The following OSBPL6 variants were observed in gnomAD, a reference collection of about 807,000 sequenced individuals.
The protein encoded by OSBPL6 is oxysterol binding protein like 6.
In OSBPL6, 49 loss-of-function variants were observed where a neutral mutation model predicts 125.8. That is an observed-to-expected ratio of 0.39 (90% confidence interval 0.31 to 0.49). The LOEUF is 0.49. Among genes scored for constraint, OSBPL6 ranks in the 20% least tolerant of loss-of-function variants. The pLI, the probability that OSBPL6 is intolerant of heterozygous loss-of-function variation, is 0.88. For missense variants in OSBPL6, 986 were observed against 1,135.4 expected (o/e 0.87, Z 1.89); for synonymous variants, 394 against 391.8 (o/e 1.01, Z -0.07).
At chr2:178,380,546 T>C (rs1186383905) in intron 15 of OSBPL6, among the ~76,000 whole-genome samples, 2 of 148,250 alleles carry the variant, frequency 1.3e-5, no homozygotes, top group African/African-American at 5.0e-5. Context: ...AGTGTTTAAG[T>C]GGATGTGGAA....
chr2:178,351,768 TACAAGTGG>T (rs1298150821), intron 12 of OSBPL6, among the ~76,000 whole-genome samples: 1 of 152,146 alleles, frequency 6.6e-6, no homozygotes, highest in African/African-American at 2.4e-5. Context: ...GTGTTCTCAC[TACAAGTGG>T]GGGCTAAATG....
intron 1 of OSBPL6, among the ~76,000 whole-genome samples, chr2:178,260,874 G>A (rs2092036002): frequency 6.6e-6 from 1 of 152,164 alleles, no homozygotes; most frequent in Non-Finnish European, 1.5e-5. Context: ...GGCCAGATGC[G>A]GTGGCTCATG....
chr2:178,389,886 A>G (rs1695255914), intron 21 of OSBPL6, among the ~76,000 whole-genome samples: 1 of 152,078 alleles, frequency 6.6e-6, no homozygotes, highest in African/African-American at 2.4e-5. Context: ...AGACTCTAAT[A>G]TTTTCTTTTC....
At chr2:178,264,587 G>T (rs1234749343) in intron 1 of OSBPL6, among the ~76,000 whole-genome samples, 1 of 152,174 alleles carries the variant, frequency 6.6e-6, no homozygotes, top group African/African-American at 2.4e-5. Context: ...GGTCTTCAAC[G>T]TGATAATTGG....
chr2:178,295,171 G>A (rs1368008526), intron 2 of OSBPL6, among the ~76,000 whole-genome samples: 1 of 152,110 alleles, frequency 6.6e-6, no homozygotes, highest in African/African-American at 2.4e-5. Flanking sequence ...TCTGGAGTTG[G>A]TGAGAAGCAA....
intron 1 of OSBPL6, among the ~76,000 whole-genome samples, chr2:178,266,634 G>A (rs1357783799): frequency 6.6e-6 from 1 of 152,170 alleles, no homozygotes; most frequent in African/African-American, 2.4e-5. Flanking sequence ...AACACATGGA[G>A]CGAGGTTGAG....
intron 15 of OSBPL6, among the ~76,000 whole-genome samples, chr2:178,378,660 G>A (rs62176088): frequency 3.7e-4 from 56 of 152,324 alleles, no homozygotes; most frequent in African/African-American, 1.3e-3. Context: ...TAACCACGGG[G>A]CAGAGGACAA....
At chr2:178,333,678 G>T (rs1689423439) in intron 8 of OSBPL6, among the ~76,000 whole-genome samples, 1 of 152,148 alleles carries the variant, frequency 6.6e-6, no homozygotes, top group African/African-American at 2.4e-5. Flanking sequence ...CAGAAATCAG[G>T]TGCCTTCCTG....
chr2:178,199,395 G>A (rs1253619744), intron 1 of OSBPL6, among the ~76,000 whole-genome samples: 1 of 152,066 alleles, frequency 6.6e-6, no homozygotes, highest in African/African-American at 2.4e-5. Context: ...GCTTCTGAGG[G>A]AATGCTTGGG....
chr2:178,294,048 G>A (rs1464223673), intron 2 of OSBPL6, among the ~76,000 whole-genome samples: 3 of 152,016 alleles, frequency 2.0e-5, no homozygotes, highest in African/African-American at 7.2e-5. Flanking sequence ...TGAGTTCTTA[G>A]TCTTTAAAAA....
intron 4 of OSBPL6, among the ~76,000 whole-genome samples, chr2:178,327,105 C>CTA (rs1381487414): frequency 2.0e-5 from 3 of 149,048 alleles, no homozygotes; most frequent in African/African-American, 7.7e-5. Flanking sequence ...GAAATCACCA[C>CTA]TAAAGAACTT....
Position 178,361,578 on chromosome 2 carries a change from C to A in OSBPL6, c.1154-104C>A. 2.1e-6 allele frequency: 3 copies of A among 1,398,964 alleles called. No individual in the cohort carries two copies. In the South Asian group the frequency reaches 4.0e-5, roughly 19 times the overall value. The allele number at this position is 1,398,964 out of a possible 1,614,324, so 86.7% of individuals were successfully genotyped here. A position where few individuals can be genotyped will look rare whatever the true frequency, so the allele number is the denominator to read the frequency against. Reference sequence around the variant, plus strand: ...TTAATTAGACTATTACATAGCCTTTCCAAAAAATGCCTATTTGTGAGTGAA... The same window carrying A: ...TTAATTAGACTATTACATAGCCTTTACAAAAAATGCCTATTTGTGAGTGAA... On this transcript the variant is annotated intron_variant, in intron 12 of 24. Coordinates refer to ENST00000190611, the MANE Select transcript of OSBPL6 (RefSeq NM_032523.4).
chr2:178,268,388 T>A (rs2092298882), intron 1 of OSBPL6, among the ~76,000 whole-genome samples: 2 of 152,174 alleles, frequency 1.3e-5, no homozygotes. Context: ...GGCCCTTATT[T>A]AAATTTTCTA....
intron 2 of OSBPL6, among the ~76,000 whole-genome samples, chr2:178,290,424 G>GTTTTTTTTTTTTTTTTT (rs55767106): frequency 1.6e-5 from 2 of 128,830 alleles, no homozygotes; most frequent in African/African-American, 2.9e-5. Flanking sequence ...AATTGTAGTG[G>GTTTTTTTTTTTTTTTTT]TTTTTTTTTT....
rs184459018 is a variant in OSBPL6 at position 178,358,647 on chromosome 2, T to C, written c.1154-3035T>C. On this transcript the variant is annotated intron_variant, in intron 12 of 24. Coordinates refer to ENST00000190611, the MANE Select transcript of OSBPL6 (RefSeq NM_032523.4). ...GTAAGACCTGAAACTATAAAACTCC[T>C]AGAAGAAAACGTAGAGCAAAAGCTC... 2.0e-5 allele frequency among the ~76,000 whole-genome samples: 3 copies of C among 152,266 alleles called. 1 individual carries two copies. The highest frequency in any genetic ancestry group is 3.9e-4 in the East Asian group (2 of 5,188).
intron 1 of OSBPL6, among the ~76,000 whole-genome samples, chr2:178,222,896 A>G (rs1297303048): frequency 2.0e-5 from 3 of 152,172 alleles, no homozygotes; most frequent in Non-Finnish European, 4.4e-5. Flanking sequence ...ATCATTTATT[A>G]TATTTATTTT....
chr2:178,381,973 T>C (rs1033346970), intron 15 of OSBPL6, among the ~76,000 whole-genome samples: 1 of 152,210 alleles, frequency 6.6e-6, no homozygotes, highest in African/African-American at 2.4e-5. Context: ...TTCTAATAAC[T>C]GGGCAACTCC....
At chr2:178,323,028 T>G (rs186065974) in intron 3 of OSBPL6, among the ~76,000 whole-genome samples, 1 of 152,322 alleles carries the variant, frequency 6.6e-6, no homozygotes, top group East Asian at 1.9e-4. Flanking sequence ...TTCCTTCTTT[T>G]ATGCTTTCAT....
In OSBPL6 at chr2:178,226,529, T is replaced by C. The variant is rs118080638; in HGVS notation, c.-351+31855T>C. Among the ~76,000 whole-genome samples, 172 of 152,308 alleles carry C rather than the reference T, an allele frequency of 1.1e-3. 1 individual carries two copies. The East Asian group carries it at 0.03, about 26-fold the overall frequency. The stretch of plus-strand genomic sequence containing the variant: ...TCCTTGCCCTTTGGAAGCATAAGCA[T>C]TTGGAAAAGAAGTTATTTATGAAAT... On this transcript the variant is annotated intron_variant, in intron 1 of 24. Transcript: ENST00000190611.
Sources: allele counts gnomAD v4.1 joint callset (sites outside exome capture counted in the v4.1 genomes callset), GRCh38; gene constraint gnomAD v4.1.1; transcripts MANE v1.5; gene names NCBI Gene and HGNC (gene_info 2026-07-23, HGNC 2026-07-21).